The following SGCZ variants were observed in gnomAD, a reference collection of about 807,000 sequenced individuals.
SGCZ encodes zeta-sarcoglycan.
SGCZ carries 40 observed loss-of-function variants against 41.3 expected under a neutral mutation model. The ratio of observed to expected loss-of-function variants is 0.97; its 90% CI spans 0.75 to 1.26. SGCZ has a LOEUF of 1.26. Ranked by LOEUF, SGCZ falls within the 50% of genes most tolerant of loss-of-function variation. SGCZ has a pLI of 0.00. For missense variants in SGCZ, 552 were observed against 369.8 expected, an observed-to-expected ratio of 1.49 and a Z score of -4.04; for synonymous variants, 206 against 137.5, an observed-to-expected ratio of 1.50 and a Z score of -3.49.
intron 3 of SGCZ, among the ~76,000 whole-genome samples, chr8:14,240,583 G>T (rs1186153570): frequency 2.6e-5 from 4 of 151,938 alleles, no homozygotes; most frequent in African/African-American, 9.7e-5. Context: ...TAAACGTGTA[G>T]CTCTCAGAGG....
At chr8:14,242,235 A>C (rs1388899153) in intron 3 of SGCZ, among the ~76,000 whole-genome samples, 1 of 152,206 alleles carries the variant, frequency 6.6e-6, no homozygotes, top group Non-Finnish European at 1.5e-5. Context: ...TCTCCAGTTT[A>C]ACTATTACAT....
intron 4 of SGCZ, among the ~76,000 whole-genome samples, chr8:14,192,885 GACTATACTTTATACATT>G (rs1563177826): frequency 6.6e-6 from 1 of 152,000 alleles, no homozygotes; most frequent in African/African-American, 2.4e-5. Flanking sequence ...TATTTCTTGA[GACTATACTTTATACATT>G]ATATGTTTAT....
intron 2 of SGCZ, among the ~76,000 whole-genome samples, chr8:14,518,327 A>G (rs1585622895): frequency 2.6e-5 from 4 of 152,218 alleles, no homozygotes; most frequent in South Asian, 2.1e-4. Flanking sequence ...CAGATCTTAC[A>G]TTGTATGCTA....
chr8:14,616,233 A>C (rs1307235866), intron 1 of SGCZ, among the ~76,000 whole-genome samples: 1 of 151,704 alleles, frequency 6.6e-6, no homozygotes, highest in African/African-American at 2.4e-5. Context: ...CAGTGAGTGG[A>C]GATCGCATCA....
At chr8:14,610,512 C>T (rs183584665) in intron 1 of SGCZ, among the ~76,000 whole-genome samples, 3 of 152,108 alleles carry the variant, frequency 2.0e-5, no homozygotes, top group Non-Finnish European at 4.4e-5. Context: ...CAAGAACCCT[C>T]TTTATGAGGG....
intron 1 of SGCZ, among the ~76,000 whole-genome samples, chr8:14,978,470 C>CAAAAAAAAAAAAAAAAAA (rs59543494): frequency 1.4e-4 from 9 of 62,826 alleles, no homozygotes; most frequent in East Asian, 6.0e-4. Flanking sequence ...GACACCGTCA[C>CAAAAAAAAAAAAAAAAAA]AAAAAAAAAA....
rs1400977362 is a variant in SGCZ at position 14,203,354 on chromosome 8, T to G, written c.424+34238A>C. The stretch of plus-strand genomic sequence containing the variant: ...TTATCTACGTTCATAAATGAGAAAT[T>G]TTATCGGAGCTAAAGATAAGCTAAT... On this transcript the variant is annotated intron_variant, in intron 4 of 7. Transcript: ENST00000382080. 2.6e-5 allele frequency among the ~76,000 whole-genome samples: 4 copies of G among 152,140 alleles called. No homozygotes were observed. In the East Asian group the frequency reaches 7.7e-4, roughly 29 times the overall value.
At chr8:15,153,447 T>A (rs1356350913) in intron 1 of SGCZ, among the ~76,000 whole-genome samples, 2 of 152,176 alleles carry the variant, frequency 1.3e-5, no homozygotes, top group Non-Finnish European at 2.9e-5. Context: ...GAGAGACACA[T>A]CACAGAGTCT....
chr8:15,110,999 A>T (rs1807028224), intron 1 of SGCZ, among the ~76,000 whole-genome samples: 1 of 152,144 alleles, frequency 6.6e-6, no homozygotes, highest in Admixed American at 6.5e-5. Context: ...TTTTGCAAGA[A>T]TTTTTAAAAT....
chr8:15,142,725 C>A (rs1798925196), intron 1 of SGCZ, among the ~76,000 whole-genome samples: 1 of 150,272 alleles, frequency 6.7e-6, no homozygotes, highest in African/African-American at 2.4e-5. Flanking sequence ...CATCCTCCAA[C>A]CTCAGCCTCC....
intron 1 of SGCZ, among the ~76,000 whole-genome samples, chr8:14,997,597 C>T (rs1585453032): frequency 6.6e-6 from 1 of 152,216 alleles, no homozygotes; most frequent in East Asian, 1.9e-4. Context: ...TAATCAAGAA[C>T]ATTAGCTTTT....
At chr8:14,555,470 G>T (rs547238644) in intron 1 of SGCZ, among the ~76,000 whole-genome samples, 2 of 152,120 alleles carry the variant, frequency 1.3e-5, no homozygotes, top group Middle Eastern at 3.4e-3. Flanking sequence ...CATATAAGAC[G>T]TGTCTGTTTC....
At chr8:14,108,065 G>C (rs1032558724) in intron 6 of SGCZ, 98 bp downstream of exon 6, 165 of 855,248 alleles carry the variant, frequency 1.9e-4, no homozygotes, top group Non-Finnish European at 2.0e-4. Context: ...AGTATATTGG[G>C]AGAAACATTT....
chr8:14,279,189 A>C (rs1800339042), intron 3 of SGCZ, among the ~76,000 whole-genome samples: 1 of 152,008 alleles, frequency 6.6e-6, no homozygotes. Context: ...CTGAGGAGCA[A>C]GGGGGGAAAG....
chr8:14,192,320 G>A (rs1805130743), intron 4 of SGCZ, among the ~76,000 whole-genome samples: 1 of 151,808 alleles, frequency 6.6e-6, no homozygotes, highest in African/African-American at 2.4e-5. Flanking sequence ...GTGGTCAGCT[G>A]GACAACTACC....
intron 2 of SGCZ, among the ~76,000 whole-genome samples, chr8:14,433,065 T>C (rs1311192857): frequency 6.6e-6 from 1 of 151,150 alleles, no homozygotes; most frequent in Non-Finnish European, 1.5e-5. Context: ...ACAAAAAATA[T>C]ATGGCTTTCT....
chr8:14,718,240 T>C (rs1034675411), intron 1 of SGCZ, among the ~76,000 whole-genome samples: 11 of 151,982 alleles, frequency 7.2e-5, no homozygotes, highest in African/African-American at 2.7e-4. Flanking sequence ...AGTGAATTTT[T>C]TAATGTTTTA....
At chr8:14,100,977 A>G (rs886706468) in intron 7 of SGCZ, among the ~76,000 whole-genome samples, 1 of 152,312 alleles carries the variant, frequency 6.6e-6, no homozygotes, top group African/African-American at 2.4e-5. Flanking sequence ...AGGAAAAGCA[A>G]TACAACAGAT....
chr8:14,560,866 A>G (rs1290571711), intron 1 of SGCZ, among the ~76,000 whole-genome samples: 1 of 146,358 alleles, frequency 6.8e-6, no homozygotes, highest in African/African-American at 2.5e-5. Flanking sequence ...GAAAAAAACA[A>G]AACACAAAAA....
Sources: allele counts gnomAD v4.1 joint callset (sites outside exome capture counted in the v4.1 genomes callset), GRCh38; gene constraint gnomAD v4.1.1; transcripts MANE v1.5; gene names NCBI Gene and HGNC (gene_info 2026-07-23, HGNC 2026-07-21).